Variants in SERPINA10 observed in about 807,000 individuals in gnomAD.
The protein encoded by SERPINA10 is protein Z-dependent protease inhibitor.
A neutral mutation model predicts 28.0 loss-of-function variants in SERPINA10; 24 were observed. That is an observed-to-expected ratio of 0.86 (90% CI 0.62 to 1.20). The LOEUF (loss-of-function observed/expected upper bound fraction) is 1.20, where lower values mean the gene tolerates loss of function less well. Among genes scored for constraint, SERPINA10 ranks in the 50% most tolerant of loss-of-function variants. SERPINA10 has a pLI of 0.00. For missense variants in SERPINA10, 521 were observed against 537.7 expected (o/e 0.97, Z 0.31); for synonymous variants, 207 against 203.9 (o/e 1.02, Z -0.13).
rs1390233330 is a variant in SERPINA10, at chr14:94,282,402, A to C, written c.*1563T>G. 6.6e-6 allele frequency: 1 copy of C among 152,130 alleles called. No individual in the cohort carries two copies. Among genetic ancestry groups the C allele is most frequent in the Non-Finnish European group, 1.5e-5 (1 of 68,014 alleles). 9.4% of individuals were successfully genotyped at this position (152,130 alleles called of 1,614,324 possible). A position where few individuals can be genotyped will look rare whatever the true frequency, so the allele number is the denominator to read the frequency against. On this transcript the variant is annotated 3_prime_UTR_variant, in exon 5 of 5. Transcript: ENST00000261994. Reference sequence around the variant, plus strand: ...TGTGACAGAAAATAACTGCCTAAGGAAGATCAGGGATATTTACGATTTTCC... The same window carrying C: ...TGTGACAGAAAATAACTGCCTAAGGCAGATCAGGGATATTTACGATTTTCC...
chr14:94,290,526 G>T lies in SERPINA10; in HGVS notation c.68C>A (p.Ala23Asp), dbSNP rs781406173. Reference protein sequence around the residue: ...LAQVWLVPGLAPSPQSPETPA... With the variant: ...LAQVWLVPGLDPSPQSPETPA... Reference sequence around the variant, plus strand: ...GGTCTCTGGCGACTGAGGACTGGGGGCCAAGCCGGGTACCAGCCACACCTG... The same window carrying T: ...GGTCTCTGGCGACTGAGGACTGGGGTCCAAGCCGGGTACCAGCCACACCTG... Residue 23 changes from alanine to aspartate, a missense_variant, in exon 2 of 5, where the codon GCC becomes GAC. Coordinates refer to ENST00000261994, the MANE Select transcript of SERPINA10 (RefSeq NM_001100607.3). 1 of 1,612,806 alleles carries T rather than the reference G, an allele frequency of 6.2e-7. No homozygotes were observed. Among genetic ancestry groups the T allele is most frequent in the South Asian group, 1.1e-5 (1 of 90,804 alleles).
At chr14:94,284,969 C>CATGA (rs1894984883) in intron 4 of SERPINA10, among the ~76,000 whole-genome samples, 2 of 152,174 alleles carry the variant, frequency 1.3e-5, no homozygotes, top group Non-Finnish European at 2.9e-5. Flanking sequence ...ATAGCAGAAA[C>CATGA]ACTTTCAGGT....
At chr14:94,290,722 C>T in intron 1 of SERPINA10, 79 bp from the exon 2 acceptor site, 1 of 1,475,440 alleles carries the variant, frequency 6.8e-7, no homozygotes, top group Admixed American at 2.0e-5. Flanking sequence ...CTTCAGGGAC[C>T]CTGCCTCCTT....
intron 1 of SERPINA10, among the ~76,000 whole-genome samples, chr14:94,291,046 C>T (rs1427773239): frequency 2.0e-5 from 3 of 152,210 alleles, no homozygotes; most frequent in African/African-American, 4.8e-5. Context: ...ACCATCTGGT[C>T]GTCAGGCTGC....
rs1215483738 is a variant in SERPINA10 at position 94,280,555 on chromosome 14, A to T, written c.*3410T>A. 1 of 152,220 alleles carries T rather than the reference A, an allele frequency of 6.6e-6. No homozygotes were observed. The highest frequency in any genetic ancestry group is 1.5e-5 in the Non-Finnish European group (1 of 68,020). 9.4% of individuals were successfully genotyped at this position (152,220 alleles called of 1,614,324 possible). The stretch of plus-strand genomic sequence containing the variant: ...ATTACTGACAGTTATGAATAACTAC[A>T]TGTATCTCCATTTATATCAAAAACA... On this transcript the variant is annotated 3_prime_UTR_variant, in exon 5 of 5. Coordinates refer to ENST00000261994, the MANE Select transcript of SERPINA10 (RefSeq NM_001100607.3).
rs544053750 is a variant in SERPINA10 at position 94,290,643 on chromosome 14, C to T, written c.-50G>A. 9.3e-6 allele frequency: 15 copies of T among 1,606,408 alleles called. No homozygotes were observed. Among genetic ancestry groups the T allele is most frequent in the Middle Eastern group, 3.4e-4 (2 of 5,942 alleles). On this transcript the variant is annotated splice_region_variant and 5_prime_UTR_variant, in exon 2 of 5. Transcript: ENST00000261994. Reference sequence around the variant, plus strand: ...GTGCCTCCCTTCAGCTGCAAGACTTCCTGTGGAGAGGAGAGGATAGAGATG... The same window carrying T: ...GTGCCTCCCTTCAGCTGCAAGACTTTCTGTGGAGAGGAGAGGATAGAGATG...
At chr14:94,289,844 G>A (rs1895115817) in intron 2 of SERPINA10, 32 bp downstream of exon 2, 2 of 1,611,484 alleles carry the variant, frequency 1.2e-6, no homozygotes, top group Non-Finnish European at 1.7e-6. Context: ...AGGGCCCTGT[G>A]GCCTTGGGAG....
In SERPINA10 at chr14:94,293,249, C is replaced by A. The variant is rs1566721737; in HGVS notation, c.-111G>T. 1 of 152,778 alleles carries A rather than the reference C, an allele frequency of 6.5e-6. No individual in the cohort carries two copies. The highest frequency in any genetic ancestry group is 1.5e-5 in the Non-Finnish European group (1 of 68,416). The allele number at this position is 152,778 out of a possible 1,614,324, so 9.5% of individuals were successfully genotyped here. A position where few individuals can be genotyped will look rare whatever the true frequency, so the allele number is the denominator to read the frequency against. ...TTTAGAGCAGAAACCAAAGCTTCAGCTTTGCAGCCCAGAACCTTCAGCAAA... is the reference window on the plus strand; with the variant it reads ...TTTAGAGCAGAAACCAAAGCTTCAGATTTGCAGCCCAGAACCTTCAGCAAA... On this transcript the variant is annotated 5_prime_UTR_variant, in exon 1 of 5. Coordinates refer to ENST00000261994, the MANE Select transcript of SERPINA10 (RefSeq NM_001100607.3).
intron 1 of SERPINA10, among the ~76,000 whole-genome samples, chr14:94,291,349 G>A (rs1259193214): frequency 2.6e-5 from 4 of 152,120 alleles, no homozygotes; most frequent in South Asian, 2.1e-4. Flanking sequence ...GCTGCATGCC[G>A]GTTCTCACTG....
At chr14:94,288,224 G>A in intron 3 of SERPINA10, 62 bp downstream of exon 3, 1 of 1,600,722 alleles carries the variant, frequency 6.2e-7, no homozygotes, top group Non-Finnish European at 8.6e-7. Flanking sequence ...CAATGAAATT[G>A]TGCTGAGCGT....
intron 3 of SERPINA10, among the ~76,000 whole-genome samples, chr14:94,287,850 C>T (rs780535981): frequency 1.3e-5 from 2 of 152,224 alleles, no homozygotes; most frequent in Non-Finnish European, 2.9e-5. Context: ...TATCCTTCAT[C>T]TTCAGATGTT....
intron 2 of SERPINA10, among the ~76,000 whole-genome samples, chr14:94,289,497 T>A (rs1230289547): frequency 2.6e-5 from 4 of 152,216 alleles, no homozygotes; most frequent in African/African-American, 9.6e-5. Context: ...GGAGTGTCCC[T>A]ATTTTCTATA....
chr14:94,291,035 G>A (rs1895164674), intron 1 of SERPINA10, among the ~76,000 whole-genome samples: 1 of 152,186 alleles, frequency 6.6e-6, no homozygotes, highest in Admixed American at 6.5e-5. Context: ...TCACTGCCCT[G>A]ACCATCTGGT....
chr14:94,288,814 C>T (rs1009582622), intron 2 of SERPINA10, among the ~76,000 whole-genome samples: 2 of 152,174 alleles, frequency 1.3e-5, no homozygotes, highest in Admixed American at 6.5e-5. Flanking sequence ...TATTGGGAAT[C>T]GCACACGAAA....
Position 94,288,389 on chromosome 14 carries a change from TG to T in SERPINA10, c.888del (p.Thr297ProfsTer20). Reference protein sequence around the residue: ...HVLKLPYQGNATMLVVLMEKM... With the variant: ...HVLKLPYQGNXTMLVVLMEKM... ...TTCTCCATGAGGACCACCAGCATGG[TG>T]GCATTTCCTTGGTAGGGCAGTTTGA... On this transcript the variant is annotated frameshift_variant, in exon 3 of 5. Coordinates refer to ENST00000261994, the MANE Select transcript of SERPINA10 (RefSeq NM_001100607.3). LOFTEE classifies it high-confidence loss of function. 6.2e-7 allele frequency: 1 copy of T among 1,614,084 alleles called. No individual in the cohort carries two copies. Among genetic ancestry groups the T allele is most frequent in the East Asian group, 2.2e-5 (1 of 44,872 alleles).
At chr14:94,284,632 G>A (rs918829102) in intron 4 of SERPINA10, among the ~76,000 whole-genome samples, 3 of 152,158 alleles carry the variant, frequency 2.0e-5, no homozygotes, top group Admixed American at 1.3e-4. Context: ...CTACTCTGAG[G>A]CATTTTTCTG....
At position 94,283,995 on chromosome 14, in the gene SERPINA10, C is replaced by G. The variant is rs1301485245; in HGVS notation, c.1305G>C (p.Leu435=). Residue 435 remains leucine, a synonymous_variant, in exon 5 of 5, where the codon CTG becomes CTC. Transcript: ENST00000261994. ...YEETSGMLLF[L]GRVVNPTLL is the part of the protein sequence containing the mutation. ...GGAGAGTCGGATTCACCACCCTGCC[C>G]AGAAACAGAAGCATTCCAGAGGTTT... The G allele has an allele frequency of 6.2e-6, 10 of 1,614,042 alleles. No individual in the cohort carries two copies. Among genetic ancestry groups the G allele is most frequent in the Non-Finnish European group, 8.5e-6 (10 of 1,179,940 alleles).
Position 94,282,169 on chromosome 14 carries a change from A to G in SERPINA10, c.*1796T>C, listed in dbSNP as rs1031515526. 1 of 152,010 alleles carries G rather than the reference A, an allele frequency of 6.6e-6. No individual in the cohort carries two copies. The highest frequency in any genetic ancestry group is 2.4e-5 in the African/African-American group (1 of 41,374). The allele number at this position is 152,010 out of a possible 1,614,324, so 9.4% of individuals were successfully genotyped here. On this transcript the variant is annotated 3_prime_UTR_variant, in exon 5 of 5. Transcript: ENST00000261994. ...CATCAGTCCAGGTTATGGAATGATG[A>G]AAAGTCAGTATTTAGACTGCATATT... is the stretch of plus-strand genomic sequence containing the variant.
chr14:94,291,273 C>T (rs1030802327), intron 1 of SERPINA10, among the ~76,000 whole-genome samples: 6 of 152,188 alleles, frequency 3.9e-5, no homozygotes, highest in Admixed American at 1.3e-4. Flanking sequence ...CAGGAGGCCC[C>T]GCAATTCATA....
Sources: allele counts gnomAD v4.1 joint callset (sites outside exome capture counted in the v4.1 genomes callset), GRCh38; gene constraint gnomAD v4.1.1; transcripts MANE v1.5; gene names NCBI Gene and HGNC (gene_info 2026-07-23, HGNC 2026-07-21).